Variants in SPECC1L observed in about 807,000 individuals in gnomAD.
SPECC1L encodes sperm antigen with calponin homology and coiled-coil domains 1 like, also known as cytospin-A.
In SPECC1L, 40 loss-of-function variants were observed where a neutral mutation model predicts 116.8. The ratio of observed to expected loss-of-function variants is 0.34; its 90% CI spans 0.27 to 0.45. The LOEUF is 0.45. SPECC1L is among the 20% of genes least tolerant of loss of function. The probability of loss-of-function intolerance (pLI) is 1.00; values close to 1 mark genes in which losing one functional copy is unlikely to be tolerated. For synonymous variants in SPECC1L, 504 were observed against 500.6 expected (o/e 1.01, Z -0.09); for missense variants, 1,110 against 1,373.6 (o/e 0.81, Z 3.03).
At chr22:24,400,216 C>T (rs1177373607) in intron 14 of SPECC1L, among the ~76,000 whole-genome samples, 5 of 152,248 alleles carry the variant, frequency 3.3e-5, no homozygotes, top group African/African-American at 1.2e-4. Context: ...AAACCACCTA[C>T]CCATTCATCA....
chr22:24,400,332 T>C (rs2042448946), intron 14 of SPECC1L, among the ~76,000 whole-genome samples: 1 of 152,236 alleles, frequency 6.6e-6, no homozygotes, highest in African/African-American at 2.4e-5. Flanking sequence ...GTATGTAGCC[T>C]TTTGTGTCTA....
intron 1 of SPECC1L, among the ~76,000 whole-genome samples, chr22:24,275,299 G>A (rs9612600): frequency 6.6e-6 from 1 of 152,230 alleles, no homozygotes; most frequent in African/African-American, 2.4e-5. Context: ...TCTGCCCTTA[G>A]GAGCTTTTAT....
intron 3 of SPECC1L, among the ~76,000 whole-genome samples, chr22:24,312,539 C>CT (rs1055734858): frequency 1.3e-5 from 2 of 152,124 alleles, no homozygotes; most frequent in African/African-American, 4.8e-5. Flanking sequence ...TAGTTTTTCT[C>CT]TTTTTTTCCC....
intron 2 of SPECC1L, among the ~76,000 whole-genome samples, chr22:24,299,489 G>C (rs189995951): frequency 2.0e-5 from 3 of 152,204 alleles, no homozygotes; most frequent in African/African-American, 7.2e-5. Flanking sequence ...AGAACCAGCC[G>C]GTCTAAGTGA....
intron 2 of SPECC1L, among the ~76,000 whole-genome samples, chr22:24,285,945 T>C (rs887390128): frequency 1.2e-4 from 19 of 152,276 alleles, no homozygotes; most frequent in Admixed American, 2.0e-4. Flanking sequence ...TGGCGCGCTG[T>C]TCTTTTTTGA....
rs189708189 is a variant in SPECC1L at position 24,338,236 on chromosome 22, A to T, written c.2561-150A>T. 142 of 769,456 alleles carry T rather than the reference A, an allele frequency of 1.8e-4. No individual in the cohort carries two copies. The African/African-American group carries it at 2.1e-3, about 12-fold the overall frequency. The allele number at this position is 769,456 out of a possible 1,614,324, so 47.7% of individuals were successfully genotyped here. ...AGCACCTGTGTGCTAAGACATGGCT[A>T]CAAGTGTTCAGCAGAGGCTAGACAT... is the stretch of plus-strand genomic sequence containing the variant. On this transcript the variant is annotated intron_variant, in intron 9 of 16. Transcript: ENST00000314328.
intron 10 of SPECC1L, among the ~76,000 whole-genome samples, chr22:24,340,922 C>A (rs755866830): frequency 2.6e-5 from 4 of 152,052 alleles, no homozygotes; most frequent in African/African-American, 9.7e-5. Flanking sequence ...TCACAAACAA[C>A]GATTAATAGA....
chr22:24,293,699 G>T (rs879991241), intron 2 of SPECC1L, among the ~76,000 whole-genome samples: 15 of 143,134 alleles, frequency 1.0e-4, no homozygotes, highest in South Asian at 7.3e-4. Context: ...CCACTTCCGA[G>T]GTGCCTGTCA....
chr22:24,365,388 T>A (rs2041739142), intron 12 of SPECC1L, 88 bp from the exon 13 acceptor site: 1 of 1,235,304 alleles, frequency 8.1e-7, no homozygotes, highest in Non-Finnish European at 1.2e-6. Flanking sequence ...TAATATCTGT[T>A]GTTTTTGGAA....
chr22:24,291,350 T>C (rs61249159), intron 2 of SPECC1L, among the ~76,000 whole-genome samples: 2,190 of 152,292 alleles, frequency 0.014, 62 homozygotes, highest in African/African-American at 0.05. Flanking sequence ...CAAGGTCACA[T>C]AGATGGTGCC....
intron 14 of SPECC1L, among the ~76,000 whole-genome samples, chr22:24,400,265 G>C (rs1327486800): frequency 6.6e-6 from 1 of 152,126 alleles, no homozygotes; most frequent in Non-Finnish European, 1.5e-5. Flanking sequence ...GCAACCACTC[G>C]TCTACTTTCT....
chr22:24,316,437 G>A (rs1422791053), intron 4 of SPECC1L, among the ~76,000 whole-genome samples: 1 of 151,126 alleles, frequency 6.6e-6, no homozygotes, highest in East Asian at 1.9e-4. Flanking sequence ...CTTCCGCAGT[G>A]TTTGTGTCCC....
Position 24,321,609 on chromosome 22 carries a change from G to C in SPECC1L, c.629G>C (p.Arg210Pro), listed in dbSNP as rs201626909. 5 of 1,614,080 alleles carry C rather than the reference G, an allele frequency of 3.1e-6. No homozygotes were observed. The South Asian group carries it at 3.3e-5, about 11-fold the overall frequency. ...LHLRNELRDM[R>P]AQLGINEDHS... ...TTGAGAAATGAACTGCGAGACATGC[G>C]TGCCCAGCTGGGCATTAATGAGGAT... The change falls in exon 5 of 17, where the codon CGT becomes CCT. Residue 210 changes from arginine to proline, a missense_variant. Arg to Pro is a moderately radical substitution (Grantham distance 103). Coordinates refer to ENST00000314328, the MANE Select transcript of SPECC1L (RefSeq NM_015330.6).
chr22:24,302,123 T>G lies in SPECC1L; in HGVS notation c.-37-72T>G. The G allele has an allele frequency of 4.1e-6, 5 of 1,206,008 alleles. No homozygotes were observed. The East Asian group carries it at 1.0e-4, about 24-fold the overall frequency. The allele number at this position is 1,206,008 out of a possible 1,614,324, so 74.7% of individuals were successfully genotyped here. On this transcript the variant is annotated intron_variant, in intron 2 of 16. Transcript: ENST00000314328. ...AAACAGTTTTATCACATGGTAAAAT[T>G]CTTCGAAAACAAATTTCTAAAGCGC...
At chr22:24,347,416 G>A (rs1247575455) in intron 11 of SPECC1L, among the ~76,000 whole-genome samples, 1 of 152,098 alleles carries the variant, frequency 6.6e-6, no homozygotes, top group African/African-American at 2.4e-5. Context: ...CCATTGCTAG[G>A]CACTGTTTTC....
intron 16 of SPECC1L, among the ~76,000 whole-genome samples, chr22:24,413,504 C>T (rs1276318466): frequency 2.6e-5 from 4 of 152,214 alleles, no homozygotes; most frequent in Non-Finnish European, 1.5e-5. Flanking sequence ...CCCGTGCCCC[C>T]AGCCTAACTT....
At position 24,322,644 on chromosome 22, in the gene SPECC1L, A is replaced by G. The variant is rs2146481208; in HGVS notation, c.1664A>G (p.Lys555Arg). ...ERIIESEQKG[K>R]AALAATLEEY... ...ATTATTGAGTCTGAGCAGAAAGGAAAAGCAGCCTTGGCAGCCACGTTAGAG... is the reference window on the plus strand; with the variant it reads ...ATTATTGAGTCTGAGCAGAAAGGAAGAGCAGCCTTGGCAGCCACGTTAGAG... The change falls in exon 5 of 17, where the codon AAA (lysine) becomes AGA (arginine). Residue 555 changes from lysine (K) to arginine (R), a missense_variant. This residue lies in a region of SPECC1L where 575 missense variants were observed against 682.4 expected (regional missense o/e 0.84). Coordinates refer to ENST00000314328, the MANE Select transcript of SPECC1L (RefSeq NM_015330.6). The G allele has an allele frequency of 3.1e-6, 5 of 1,613,936 alleles. No homozygotes were observed. The South Asian group carries it at 5.5e-5, about 18-fold the overall frequency.
At position 24,322,742 on chromosome 22, in the gene SPECC1L, C is replaced by A; in HGVS notation, c.1762C>A (p.Gln588Lys). The change falls in exon 5 of 17, where the codon CAG (glutamine) becomes AAG (lysine). Residue 588 changes from glutamine (Q) to lysine (K), a missense_variant. Around this residue, in one of 4 missense-constraint regions of SPECC1L, gnomAD observed 575 missense variants for 682.4 expected, o/e 0.84. Coordinates refer to ENST00000314328, the MANE Select transcript of SPECC1L (RefSeq NM_015330.6). ...RLKAQLENEK[Q>K]KVAELYSIHN... ...GAAGGCTCAGCTGGAGAATGAAAAG[C>A]AGAAAGTGGCAGAGCTGTATTCTAT... 1 of 1,579,938 alleles carries A rather than the reference C, an allele frequency of 6.3e-7. No individual in the cohort carries two copies.
intron 14 of SPECC1L, among the ~76,000 whole-genome samples, chr22:24,388,080 T>TTTATTA (rs537731356): frequency 3.3e-5 from 5 of 151,690 alleles, no homozygotes; most frequent in Non-Finnish European, 5.9e-5. Flanking sequence ...AAATTCTTTT[T>TTTATTA]TTATTATTAT....
Sources: allele counts gnomAD v4.1 joint callset (sites outside exome capture counted in the v4.1 genomes callset), GRCh38; gene constraint gnomAD v4.1.1; regional missense constraint gnomAD v4.1.1; transcripts MANE v1.5; gene names NCBI Gene and HGNC (gene_info 2026-07-23, HGNC 2026-07-21).